Variants in TOX observed in about 807,000 individuals in gnomAD.
TOX encodes the protein thymocyte selection associated high mobility group box.
TOX carries 11 observed loss-of-function variants against 53.7 expected under a neutral mutation model. That is an observed-to-expected ratio of 0.20 (90% CI 0.13 to 0.34). The LOEUF (loss-of-function observed/expected upper bound fraction) is 0.34, where lower values mean the gene tolerates loss of function less well. Ranked by LOEUF, TOX falls within the 10% of genes least tolerant of loss-of-function variation. The pLI is 1.00. For synonymous variants in TOX, 225 were observed against 245.3 expected (o/e 0.92, Z 0.77); for missense variants, 570 against 664.6 (o/e 0.86, Z 1.56).
chr8:59,022,073 T>C (rs181067869), intron 1 of TOX, among the ~76,000 whole-genome samples: 2 of 152,308 alleles, frequency 1.3e-5, no homozygotes, highest in East Asian at 3.9e-4. Context: ...GTCACCATTT[T>C]TAATTAGGAA....
At chr8:58,936,090 G>A (rs1228709370) in intron 3 of TOX, among the ~76,000 whole-genome samples, 2 of 152,266 alleles carry the variant, frequency 1.3e-5, no homozygotes, top group East Asian at 1.9e-4. Flanking sequence ...CACTGCTTTC[G>A]TAATACTTTT....
chr8:58,979,628 C>T (rs1194823249), intron 1 of TOX, among the ~76,000 whole-genome samples: 3 of 152,146 alleles, frequency 2.0e-5, no homozygotes, highest in Non-Finnish European at 4.4e-5. Flanking sequence ...ATTTCTCACT[C>T]CATATTGATG....
At chr8:59,072,670 G>A (rs1382028049) in intron 1 of TOX, among the ~76,000 whole-genome samples, 1 of 151,904 alleles carries the variant, frequency 6.6e-6, no homozygotes, top group Non-Finnish European at 1.5e-5. Flanking sequence ...TTCCAGCTGT[G>A]GTATCTTACA....
chr8:58,856,748 G>GT (rs1357921712), intron 3 of TOX, among the ~76,000 whole-genome samples: 7,617 of 141,806 alleles, frequency 0.054, 626 homozygotes, highest in African/African-American at 0.18. Context: ...ACCTTCCTTT[G>GT]TTTTTTTTTT....
chr8:59,016,330 C>T (rs1056634132), intron 1 of TOX, among the ~76,000 whole-genome samples: 3 of 152,082 alleles, frequency 2.0e-5, no homozygotes, highest in African/African-American at 7.2e-5. Context: ...AACTCACTTT[C>T]CCCCCAAAAC....
At chr8:58,999,432 A>T (rs749408738) in intron 1 of TOX, among the ~76,000 whole-genome samples, 1 of 152,218 alleles carries the variant, frequency 6.6e-6, no homozygotes, top group Non-Finnish European at 1.5e-5. Flanking sequence ...TAAGAAGTCA[A>T]CAAAGTTTCT....
intron 3 of TOX, among the ~76,000 whole-genome samples, chr8:58,890,181 A>G (rs569980801): frequency 2.0e-5 from 3 of 152,360 alleles, no homozygotes; most frequent in African/African-American, 7.2e-5. Flanking sequence ...GGAATTATGT[A>G]CAAAATATGG....
intron 6 of TOX, among the ~76,000 whole-genome samples, chr8:58,820,218 C>A (rs1428048452): frequency 1.3e-5 from 2 of 151,508 alleles, no homozygotes. Context: ...TTCTTTACTA[C>A]TGACTATGGA....
At chr8:58,935,994 A>G (rs1812337722) in intron 3 of TOX, among the ~76,000 whole-genome samples, 1 of 152,192 alleles carries the variant, frequency 6.6e-6, no homozygotes, top group South Asian at 2.1e-4. Flanking sequence ...ACATTGGGAT[A>G]ACGGGCGCCA....
intron 4 of TOX, among the ~76,000 whole-genome samples, chr8:58,850,743 G>A (rs1022663811): frequency 2.6e-5 from 4 of 152,170 alleles, no homozygotes; most frequent in African/African-American, 9.7e-5. Context: ...TCTTATCTTT[G>A]TCATCAGGCT....
chr8:58,983,728 T>C (rs1379436722), intron 1 of TOX, among the ~76,000 whole-genome samples: 4 of 152,238 alleles, frequency 2.6e-5, no homozygotes, highest in Admixed American at 6.5e-5. Context: ...GTGTATTCTC[T>C]GATGAAATAA....
At position 58,957,692 on chromosome 8, in the gene TOX, A is replaced by G. The variant is rs1412295491; in HGVS notation, c.168+2251T>C. 3.3e-5 allele frequency among the ~76,000 whole-genome samples: 5 copies of G among 152,370 alleles called. No homozygotes were observed. The East Asian group carries it at 9.6e-4, about 29-fold the overall frequency. Reference sequence around the variant, plus strand: ...CAACTTAGTCTATAAGTCCCAAAGCATGTACTGATTTGAAAATTGAACAGG... The same window carrying G: ...CAACTTAGTCTATAAGTCCCAAAGCGTGTACTGATTTGAAAATTGAACAGG... On this transcript the variant is annotated intron_variant, in intron 2 of 8. Coordinates refer to ENST00000361421, the MANE Select transcript of TOX (RefSeq NM_014729.3).
At chr8:58,930,773 T>C (rs1189833385) in intron 3 of TOX, among the ~76,000 whole-genome samples, 1 of 152,190 alleles carries the variant, frequency 6.6e-6, no homozygotes, top group Non-Finnish European at 1.5e-5. Flanking sequence ...TTTCCAGTCC[T>C]ATGTCTTCTT....
intron 3 of TOX, among the ~76,000 whole-genome samples, chr8:58,883,409 T>C (rs1811415469): frequency 6.6e-6 from 1 of 152,210 alleles, no homozygotes; most frequent in African/African-American, 2.4e-5. Context: ...CCTTAGAAAA[T>C]TATACATTCA....
intron 1 of TOX, among the ~76,000 whole-genome samples, chr8:59,062,758 T>C (rs1260556655): frequency 6.6e-6 from 1 of 151,992 alleles, no homozygotes; most frequent in South Asian, 2.1e-4. Flanking sequence ...ATACAATCAA[T>C]GACAATTATT....
intron 1 of TOX, among the ~76,000 whole-genome samples, chr8:59,015,059 G>A (rs1446489317): frequency 1.3e-5 from 2 of 152,100 alleles, no homozygotes. Flanking sequence ...CATCTGAGAG[G>A]ATCAACCCCC....
intron 5 of TOX, among the ~76,000 whole-genome samples, chr8:58,833,542 A>G (rs1810498861): frequency 6.6e-6 from 1 of 151,926 alleles, no homozygotes; most frequent in African/African-American, 2.4e-5. Context: ...GGTTGCTCAA[A>G]CTCCTAGGAT....
intron 7 of TOX, among the ~76,000 whole-genome samples, chr8:58,808,737 A>G (rs893543829): frequency 6.6e-6 from 1 of 152,056 alleles, no homozygotes; most frequent in African/African-American, 2.4e-5. Flanking sequence ...TTGTTCTCAA[A>G]CCTCTTTTTC....
chr8:59,098,978 T>C (rs1489767679), intron 1 of TOX, among the ~76,000 whole-genome samples: 2 of 152,232 alleles, frequency 1.3e-5, no homozygotes, highest in Non-Finnish European at 2.9e-5. Flanking sequence ...GCTGCAATCA[T>C]GTTCAATGTC....
Sources: gnomAD v4.1 joint callset for allele counts (sites outside exome capture counted in the v4.1 genomes callset) on GRCh38, gnomAD v4.1.1 for gene constraint, MANE v1.5 for transcripts, NCBI Gene and HGNC (gene_info 2026-07-23, HGNC 2026-07-21) for gene names.